The following NOL4 variants were observed in gnomAD, a reference collection of about 807,000 sequenced individuals.
The protein encoded by NOL4 is cancer/testis antigen 125.
NOL4 carries 17 observed loss-of-function variants against 75.9 expected under a neutral mutation model. That is an observed-to-expected ratio of 0.22 (90% confidence interval 0.15 to 0.34). The LOEUF is 0.34. Among genes scored for constraint, NOL4 ranks in the 10% least tolerant of loss-of-function variants. The pLI is 1.00. For synonymous variants in NOL4, 292 were observed against 289.9 expected, an observed-to-expected ratio of 1.01 and a Z score of -0.07; for missense variants, 614 against 793.5, an observed-to-expected ratio of 0.77 and a Z score of 2.72.
intron 1 of NOL4, among the ~76,000 whole-genome samples, chr18:34,150,033 G>A (rs1266307331): frequency 6.6e-6 from 1 of 151,316 alleles, no homozygotes; most frequent in Non-Finnish European, 1.5e-5. Flanking sequence ...GTTGCCTTGG[G>A]GAATTTTCTT....
intron 9 of NOL4, among the ~76,000 whole-genome samples, chr18:33,901,863 G>T (rs2065766828): frequency 6.6e-6 from 1 of 152,030 alleles, no homozygotes. Flanking sequence ...TTATTTAAAA[G>T]TTGTTTCTGA....
intron 10 of NOL4, among the ~76,000 whole-genome samples, chr18:33,880,305 C>CTGTGTGTGTGTGTG (rs61306180): frequency 2.1e-5 from 3 of 144,394 alleles, no homozygotes; most frequent in Non-Finnish European, 4.6e-5. Flanking sequence ...CAAAAGGGGT[C>CTGTGTGTGTGTGTG]TGTGTGTGTG....
In NOL4 at chr18:34,141,261, A is replaced by C. The variant is rs567887443; in HGVS notation, c.265-11241T>G. ...ATCATGAAAATGGCCATACTGCCCA[A>C]GGTAATTTATAGATTCAATGCCATC... On this transcript the variant is annotated intron_variant, in intron 1 of 10. Coordinates refer to ENST00000261592, the MANE Select transcript of NOL4 (RefSeq NM_003787.5). Among the ~76,000 whole-genome samples, 497 of 152,324 alleles carry C rather than the reference A, an allele frequency of 3.3e-3. 5 individuals are homozygous for C. The highest frequency in any genetic ancestry group is 0.012 in the African/African-American group (479 of 41,562).
chr18:33,881,856 G>T (rs1393922450), intron 10 of NOL4, among the ~76,000 whole-genome samples: 1 of 151,902 alleles, frequency 6.6e-6, no homozygotes, highest in Non-Finnish European at 1.5e-5. Context: ...CCAAAACAGA[G>T]ATATAGATCA....
intron 1 of NOL4, among the ~76,000 whole-genome samples, chr18:34,173,075 A>T (rs1015681768): frequency 6.6e-6 from 1 of 152,024 alleles, no homozygotes; most frequent in African/African-American, 2.4e-5. Context: ...CAATAAAAAG[A>T]AGGAAATTCT....
At chr18:34,145,232 TAAGGTCA>T (rs2081349538) in intron 1 of NOL4, among the ~76,000 whole-genome samples, 1 of 152,256 alleles carries the variant, frequency 6.6e-6, no homozygotes, top group East Asian at 1.9e-4. Context: ...GAATTCAAAC[TAAGGTCA>T]ATATAGCAAT....
chr18:33,994,811 T>C (rs1284489948), intron 6 of NOL4, among the ~76,000 whole-genome samples: 5 of 151,010 alleles, frequency 3.3e-5, no homozygotes, highest in Non-Finnish European at 7.4e-5. Flanking sequence ...ATTAATGAAA[T>C]AGAGAATAGA....
At chr18:34,052,215 G>T (rs1253091931) in intron 5 of NOL4, among the ~76,000 whole-genome samples, 3 of 151,996 alleles carry the variant, frequency 2.0e-5, no homozygotes, top group African/African-American at 7.2e-5. Context: ...TCCATTATAG[G>T]TTTACAATGC....
At chr18:34,073,234 G>A (rs984943896) in intron 5 of NOL4, among the ~76,000 whole-genome samples, 4 of 151,934 alleles carry the variant, frequency 2.6e-5, no homozygotes, top group African/African-American at 9.7e-5. Context: ...GGAATGAAAG[G>A]TGATATGACT....
intron 10 of NOL4, among the ~76,000 whole-genome samples, chr18:33,863,891 T>C (rs903180943): frequency 2.0e-5 from 3 of 152,140 alleles, no homozygotes; most frequent in Non-Finnish European, 4.4e-5. Context: ...GGTGTTCCCA[T>C]ACAGCCTCCA....
chr18:34,066,362 T>C (rs1407438582), intron 5 of NOL4, among the ~76,000 whole-genome samples: 1 of 151,996 alleles, frequency 6.6e-6, no homozygotes, highest in Non-Finnish European at 1.5e-5. Context: ...ATTCTTAAAT[T>C]GTGAGCAGCT....
chr18:33,991,809 G>C (rs929315209), intron 6 of NOL4, among the ~76,000 whole-genome samples: 3 of 152,002 alleles, frequency 2.0e-5, no homozygotes, highest in African/African-American at 7.2e-5. Flanking sequence ...ATACTAGACA[G>C]AGCAGAGCAT....
chr18:33,922,489 C>G (rs1036863929), intron 9 of NOL4, among the ~76,000 whole-genome samples: 2 of 152,176 alleles, frequency 1.3e-5, no homozygotes, highest in African/African-American at 4.8e-5. Flanking sequence ...TTTCCCATTT[C>G]TAAATGTGTA....
At chr18:34,073,207 A>C (rs114426243) in intron 5 of NOL4, among the ~76,000 whole-genome samples, 4,181 of 152,178 alleles carry the variant, frequency 0.027, 219 homozygotes, top group African/African-American at 0.096. Context: ...AGAAAAATAC[A>C]TCAATTACCA....
At chr18:33,967,852 C>G (rs984328319) in intron 6 of NOL4, among the ~76,000 whole-genome samples, 1 of 152,088 alleles carries the variant, frequency 6.6e-6, no homozygotes, top group African/African-American at 2.4e-5. Flanking sequence ...ACTTGGGGGG[C>G]CGAGGCAGGC....
At chr18:34,038,316 T>C (rs2076000173) in intron 5 of NOL4, among the ~76,000 whole-genome samples, 2 of 152,166 alleles carry the variant, frequency 1.3e-5, no homozygotes, top group Non-Finnish European at 2.9e-5. Flanking sequence ...ACAAGCACTA[T>C]GAAAAACAGC....
chr18:34,022,394 T>C (rs1482098739), intron 5 of NOL4, among the ~76,000 whole-genome samples: 2 of 151,990 alleles, frequency 1.3e-5, no homozygotes, highest in Non-Finnish European at 2.9e-5. Flanking sequence ...TTTTATTACA[T>C]GGTACTTTCC....
Position 33,998,224 on chromosome 18 carries a change from T to C in NOL4, c.1056+21094A>G, listed in dbSNP as rs556939766. ...TGATGGTTGCATATATCTGCAAGTA[T>C]ACTAAGAACCACTGAAATGTACACT... is the stretch of plus-strand genomic sequence containing the variant. On this transcript the variant is annotated intron_variant, in intron 6 of 10. Coordinates refer to ENST00000261592, the MANE Select transcript of NOL4 (RefSeq NM_003787.5). 4.6e-5 allele frequency among the ~76,000 whole-genome samples: 7 copies of C among 152,192 alleles called. No homozygotes were observed. In the South Asian group the frequency reaches 1.4e-3, roughly 32 times the overall value.
chr18:33,964,530 T>C (rs118071877), intron 6 of NOL4, among the ~76,000 whole-genome samples: 3,955 of 149,514 alleles, frequency 0.026, 64 homozygotes, highest in Non-Finnish European at 0.027. Flanking sequence ...GGAAGGAAGA[T>C]AGGAAGGAAG....
Sources: gnomAD v4.1 joint callset for allele counts (sites outside exome capture counted in the v4.1 genomes callset) on GRCh38, gnomAD v4.1.1 for gene constraint, MANE v1.5 for transcripts, NCBI Gene and HGNC (gene_info 2026-07-23, HGNC 2026-07-21) for gene names.